WDR72: variants seen among roughly 807,000 people sequenced by gnomAD.
WDR72 encodes WD repeat-containing protein 72.
In WDR72, 120 loss-of-function variants were observed where a neutral mutation model predicts 124.2. The ratio of observed to expected loss-of-function variants is 0.97; its 90% CI spans 0.83 to 1.12. The LOEUF (loss-of-function observed/expected upper bound fraction) is 1.12. WDR72 is among the 50% of genes most tolerant of loss of function. The pLI, the probability that WDR72 is intolerant of heterozygous loss-of-function variation, is 0.00. For synonymous variants in WDR72, 452 were observed against 441.7 expected, an observed-to-expected ratio of 1.02 and a Z score of -0.29; for missense variants, 1,387 against 1,278.8, an observed-to-expected ratio of 1.08 and a Z score of -1.29.
chr15:53,665,480 C>T, intron 14 of WDR72, 92 bp downstream of exon 14: 1 of 1,411,416 alleles, frequency 7.1e-7, no homozygotes, highest in Non-Finnish European at 1.0e-6. Flanking sequence ...TGTTTTCATG[C>T]TGATACTTAA....
intron 14 of WDR72, among the ~76,000 whole-genome samples, chr15:53,663,403 T>A (rs974695143): frequency 6.6e-6 from 1 of 152,006 alleles, no homozygotes; most frequent in African/African-American, 2.4e-5. Flanking sequence ...AAAGTTGAAA[T>A]CAGCCTATAA....
intron 18 of WDR72, among the ~76,000 whole-genome samples, chr15:53,550,038 G>GA (rs1370221827): frequency 6.6e-6 from 1 of 152,098 alleles, no homozygotes; most frequent in Non-Finnish European, 1.5e-5. Context: ...AATTAAACCA[G>GA]AAAAACCTGT....
intron 1 of WDR72, among the ~76,000 whole-genome samples, chr15:53,744,045 G>A (rs1281683751): frequency 6.6e-6 from 1 of 151,892 alleles, no homozygotes; most frequent in Non-Finnish European, 1.5e-5. Flanking sequence ...TGTAGTAAAT[G>A]TGCAGTAACG....
In WDR72 at chr15:53,609,563, C is replaced by A; in HGVS notation, c.2902G>T (p.Asp968Tyr). ...GAAATTAGCTTCAAAAGTGAAAGGT[C>A]AGCCTCAGGTACATGGGATTCATTC... Reference protein sequence around the residue: ...GKNESHVPEADLSLLKLISCW... With the variant: ...GKNESHVPEAYLSLLKLISCW... The change falls in exon 17 of 20, where the codon GAC becomes TAC. Residue 968 changes from aspartate to tyrosine, a missense_variant. Asp to Tyr is a radical substitution (Grantham distance 160). Coordinates refer to ENST00000360509, the MANE Select transcript of WDR72 (RefSeq NM_182758.4). 1 of 1,613,550 alleles carries A rather than the reference C, an allele frequency of 6.2e-7. No individual in the cohort carries two copies. The highest frequency in any genetic ancestry group is 8.5e-7 in the Non-Finnish European group (1 of 1,179,648).
intron 13 of WDR72, among the ~76,000 whole-genome samples, chr15:53,677,843 A>G (rs1373485245): frequency 1.3e-5 from 2 of 152,194 alleles, no homozygotes; most frequent in African/African-American, 4.8e-5. Context: ...CATCATCAAA[A>G]TTGCCATTAT....
At chr15:53,718,542 T>A (rs1333281652) in intron 3 of WDR72, among the ~76,000 whole-genome samples, 1 of 152,056 alleles carries the variant, frequency 6.6e-6, no homozygotes. Context: ...TGCCTATCAA[T>A]TTTGCTTAAT....
chr15:53,722,277 C>A (rs991176889), intron 3 of WDR72, among the ~76,000 whole-genome samples: 1 of 152,020 alleles, frequency 6.6e-6, no homozygotes, highest in African/African-American at 2.4e-5. Flanking sequence ...TCAGGTGATC[C>A]GCCTGACTCA....
intron 17 of WDR72, among the ~76,000 whole-genome samples, chr15:53,608,694 T>G (rs1305070463): frequency 6.6e-6 from 1 of 151,988 alleles, no homozygotes; most frequent in Non-Finnish European, 1.5e-5. Flanking sequence ...AGAACGAGGC[T>G]GCAGTGAGCT....
At chr15:53,706,373 T>TATATATATACACATATATATATATATAC in intron 9 of WDR72, among the ~76,000 whole-genome samples, 1 of 67,336 alleles carries the variant, frequency 1.5e-5, no homozygotes, top group South Asian at 4.6e-4. Flanking sequence ...TATATATATA[T>TATATATATACACATATATATATATATAC]ATATATATAT....
chr15:53,584,786 C>T (rs1011911195), intron 18 of WDR72, among the ~76,000 whole-genome samples: 1 of 152,036 alleles, frequency 6.6e-6, no homozygotes, highest in Admixed American at 6.6e-5. Context: ...ATCATCCCAT[C>T]TCCTGACCAT....
intron 2 of WDR72, among the ~76,000 whole-genome samples, chr15:53,728,635 C>T (rs756894257): frequency 5.9e-5 from 9 of 152,090 alleles, no homozygotes; most frequent in East Asian, 1.9e-4. Context: ...ATTAGACAGG[C>T]GGAAGAGCAG....
chr15:53,687,801 C>T (rs1398576969), intron 13 of WDR72, among the ~76,000 whole-genome samples: 1 of 149,120 alleles, frequency 6.7e-6, no homozygotes, highest in Non-Finnish European at 1.5e-5. Flanking sequence ...AACATTGATG[C>T]AAAAATCCTC....
At chr15:53,678,499 C>T (rs1279938366) in intron 13 of WDR72, among the ~76,000 whole-genome samples, 1 of 152,164 alleles carries the variant, frequency 6.6e-6, no homozygotes, top group African/African-American at 2.4e-5. Context: ...CCTATCCCTT[C>T]TTACTATCAT....
intron 7 of WDR72, among the ~76,000 whole-genome samples, chr15:53,712,217 A>C (rs1431093128): frequency 6.6e-6 from 1 of 152,172 alleles, no homozygotes; most frequent in African/African-American, 2.4e-5. Context: ...CTACATATAT[A>C]ATATCTTGGG....
intron 18 of WDR72, among the ~76,000 whole-genome samples, chr15:53,538,461 C>T (rs1329259141): frequency 6.6e-6 from 1 of 152,072 alleles, no homozygotes; most frequent in Admixed American, 6.6e-5. Flanking sequence ...TGGAGGAGGT[C>T]ATTTGACGGT....
intron 18 of WDR72, among the ~76,000 whole-genome samples, chr15:53,595,281 C>G (rs1213204381): frequency 1.4e-5 from 2 of 146,476 alleles, no homozygotes; most frequent in Non-Finnish European, 3.0e-5. Flanking sequence ...AAATTCTATA[C>G]TATCAACAGT....
At chr15:53,698,091 T>A (rs8037023) in intron 13 of WDR72, among the ~76,000 whole-genome samples, 89,672 of 152,016 alleles carry the variant, frequency 0.59, 27,255 homozygotes, top group East Asian at 0.83. Flanking sequence ...TATTTGAGGG[T>A]GTATAAAAAA....
At chr15:53,746,718 T>A (rs893448977) in intron 1 of WDR72, among the ~76,000 whole-genome samples, 3 of 152,206 alleles carry the variant, frequency 2.0e-5, no homozygotes, top group Admixed American at 6.5e-5. Context: ...TTGGTCATCT[T>A]TATCCCAGGA....
chr15:53,518,249 G>A (rs1361669463), intron 19 of WDR72, among the ~76,000 whole-genome samples: 1 of 151,780 alleles, frequency 6.6e-6, no homozygotes, highest in Non-Finnish European at 1.5e-5. Context: ...TGCCTTTGTA[G>A]GCTAAAAAAA....
Sources: gnomAD v4.1 joint callset for allele counts (sites outside exome capture counted in the v4.1 genomes callset) on GRCh38, gnomAD v4.1.1 for gene constraint, MANE v1.5 for transcripts, NCBI Gene and HGNC (gene_info 2026-07-23, HGNC 2026-07-21) for gene names.